Variants in NUDT14 observed in about 807,000 individuals in gnomAD.
The protein encoded by NUDT14 is uridine diphosphate glucose pyrophosphatase NUDT14.
A neutral mutation model predicts 17.5 loss-of-function variants in NUDT14; 22 were observed. The observed-to-expected ratio is 1.26, with a 90% CI of 0.90 to 1.80. The LOEUF is 1.80. Ranked by LOEUF, NUDT14 falls within the 40% of genes most tolerant of loss-of-function variation. The pLI is 0.00. For missense variants in NUDT14, 296 were observed against 295.6 expected (o/e 1.00, Z -0.01); for synonymous variants, 129 against 125.8 (o/e 1.03, Z -0.17).
chr14:105,176,862 C>A, intron 3 of NUDT14, 91 bp from the exon 4 acceptor site: 1 of 1,552,532 alleles, frequency 6.4e-7, no homozygotes, highest in Non-Finnish European at 8.9e-7. Context: ...AGGGCCTCAG[C>A]TTCCCCTGGA....
At chr14:105,174,094 G>A (rs1889162347) in intron 4 of NUDT14, among the ~76,000 whole-genome samples, 3 of 152,036 alleles carry the variant, frequency 2.0e-5, no homozygotes, top group Admixed American at 2.0e-4. Flanking sequence ...GGGTGGGGTG[G>A]CAGCGAGGTC....
At position 105,176,762 on chromosome 14, in the gene NUDT14, G is replaced by T; in HGVS notation, c.200C>A (p.Ala67Glu). ...LVKQFRPAVY[A>E]GEVERRFPGS... The stretch of plus-strand genomic sequence containing the variant: ...TGGGAAGCGGCGCTCCACCTCACCC[G>T]CATACACAGCTGCGTGGGAAGAAGC... The change falls in exon 4 of 5, where the codon GCG becomes GAG. Residue 67 changes from alanine (A) to glutamate (E), a missense_variant. Ala to Glu is a moderately radical substitution (Grantham distance 107). Transcript: ENST00000392568. The T allele has an allele frequency of 6.2e-7, 1 of 1,611,976 alleles. No homozygotes were observed. The highest frequency in any genetic ancestry group is 8.5e-7 in the Non-Finnish European group (1 of 1,179,668).
In NUDT14 at chr14:105,181,185, C is replaced by T. The variant is rs1168495103; in HGVS notation, c.25G>A (p.Val9Met). MERIEGAS[V>M]GRCAASPYLR... ...TAGGGTGAGGCGGCGCAGCGGCCCA[C>T]GGACGCCCCCTCGATGCGCTCCATG... The change falls in exon 1 of 5, where the codon GTG (valine) becomes ATG (methionine). Residue 9 changes from valine (V) to methionine (M), a missense_variant. Physicochemically the swap from Val to Met is conservative, Grantham distance 21 (BLOSUM62 1). Coordinates refer to ENST00000392568, the MANE Select transcript of NUDT14 (RefSeq NM_177533.5). This position sits in a 1 kb window ranked among gnomAD's most constrained non-coding sequence, Gnocchi z 5.0. 2 of 1,181,320 alleles carry T rather than the reference C, an allele frequency of 1.7e-6. No homozygotes were observed. The allele number at this position is 1,181,320 out of a possible 1,614,324, so 73.2% of individuals were successfully genotyped here.
chr14:105,176,424 T>C, intron 4 of NUDT14, 110 bp downstream of exon 4: 1 of 941,674 alleles, frequency 1.1e-6, no homozygotes, highest in Non-Finnish European at 1.7e-6. Context: ...TAATCCCATG[T>C]TGGAAAACAA....
chr14:105,180,946 G>C (rs976561998), intron 1 of NUDT14, among the ~76,000 whole-genome samples, 183 bp downstream of exon 1: 1 of 152,090 alleles, frequency 6.6e-6, no homozygotes, highest in Non-Finnish European at 1.5e-5. Context: ...TCCCCGGCCT[G>C]GGGGCTCACT....
chr14:105,179,944 G>C (rs1373294757), intron 1 of NUDT14, among the ~76,000 whole-genome samples: 1 of 152,254 alleles, frequency 6.6e-6, no homozygotes, highest in Non-Finnish European at 1.5e-5. Context: ...GGCAGGCAGA[G>C]AGGCACTGCG....
At chr14:105,174,060 C>G (rs751185690) in intron 4 of NUDT14, among the ~76,000 whole-genome samples, 2 of 152,054 alleles carry the variant, frequency 1.3e-5, no homozygotes, top group African/African-American at 4.8e-5. Flanking sequence ...ACCGCCCCCC[C>G]ACCCCCCGTA....
At chr14:105,177,872 A>G in intron 1 of NUDT14, 137 bp from the exon 2 acceptor site, 1 of 721,386 alleles carries the variant, frequency 1.4e-6, no homozygotes. Flanking sequence ...GGAGCCAGGA[A>G]CTGCAGCTCC....
At position 105,177,726 on chromosome 14, in the gene NUDT14, G is replaced by A. The variant is rs1169512171; in HGVS notation, c.91C>T (p.Gln31Ter). ...LTLHYRQNGA[Q>*]KSWDFMKTHD... ...GTCTTCATGAAGTCCCAGGACTTCT[G>A]GGCACCATTCTAGAAGGGGCAGGTC... The change falls in exon 2 of 5, where the codon CAG becomes TAG. Residue 31 changes from glutamine to a stop codon, truncating the protein, a stop_gained. Transcript: ENST00000392568. LOFTEE classifies it high-confidence loss of function. 4 of 1,612,294 alleles carry A rather than the reference G, an allele frequency of 2.5e-6. No individual in the cohort carries two copies. Among genetic ancestry groups the A allele is most frequent in the Middle Eastern group, 1.7e-4 (1 of 6,056 alleles).
chr14:105,177,656 G>A, intron 2 of NUDT14, 36 bp downstream of exon 2: 1 of 1,606,910 alleles, frequency 6.2e-7, no homozygotes, highest in South Asian at 1.1e-5. Flanking sequence ...ATCAGTCTGG[G>A]GCTTCCCCAG....
intron 4 of NUDT14, among the ~76,000 whole-genome samples, chr14:105,174,989 ATC>A (rs1889180296): frequency 6.6e-6 from 1 of 152,202 alleles, no homozygotes; most frequent in East Asian, 1.9e-4. Context: ...AGTCAGCAGC[ATC>A]TCCAGTCCTG....
chr14:105,178,216 C>G (rs966577981), intron 1 of NUDT14, among the ~76,000 whole-genome samples: 6 of 151,934 alleles, frequency 3.9e-5, no homozygotes, highest in African/African-American at 1.5e-4. Flanking sequence ...GGGCCGGCAC[C>G]AGGAGTGGAT....
intron 2 of NUDT14, 24 bp from the exon 3 acceptor site, chr14:105,177,051 G>A (rs1445873878): frequency 1.2e-6 from 2 of 1,607,616 alleles, no homozygotes; most frequent in East Asian, 2.2e-5. Context: ...GAGGGGCTCA[G>A]CACAGAAGCA....
At position 105,181,224 on chromosome 14, in the gene NUDT14, A is replaced by G; in HGVS notation, c.-15T>C. On this transcript the variant is annotated 5_prime_UTR_variant, in exon 1 of 5. Transcript: ENST00000392568. The surrounding 1 kb of genome is among the most constrained non-coding windows in gnomAD (Gnocchi z 5.0). ...ATGCGCTCCATGGCGGCGCCCGGAC[A>G]GGCGGGGGCCGCGAGCTCTGCGGGG... is the stretch of plus-strand genomic sequence containing the variant. 1 of 982,110 alleles carries G rather than the reference A, an allele frequency of 1.0e-6. No individual in the cohort carries two copies. Among genetic ancestry groups the G allele is most frequent in the Non-Finnish European group, 1.3e-6 (1 of 797,870 alleles). 60.8% of individuals were successfully genotyped at this position (982,110 alleles called of 1,614,324 possible).
At chr14:105,175,935 C>A (rs773378840) in intron 4 of NUDT14, 2 of 1,254,394 alleles carry the variant, frequency 1.6e-6, no homozygotes, top group Non-Finnish European at 1.0e-6. Flanking sequence ...GTCTGTGACA[C>A]CCTCCTCCTT....
chr14:105,177,365 A>T, intron 2 of NUDT14: 1 of 550,264 alleles, frequency 1.8e-6, no homozygotes, highest in Non-Finnish European at 3.3e-6. Context: ...GCTGCCCACC[A>T]GCCACACTCC....
chr14:105,176,379 T>G, intron 4 of NUDT14, 155 bp downstream of exon 4: 1 of 682,942 alleles, frequency 1.5e-6, no homozygotes, highest in East Asian at 2.7e-5. Flanking sequence ...CTGGCCTGGC[T>G]TAGGAGCTGA....
rs1463823593 is a variant in NUDT14 at position 105,181,190 on chromosome 14, G to A, written c.20C>T (p.Ala7Val). 1.7e-6 allele frequency: 2 copies of A among 1,180,670 alleles called. No individual in the cohort carries two copies. Among genetic ancestry groups the A allele is most frequent in the Non-Finnish European group, 2.1e-6 (2 of 946,708 alleles). The allele number at this position is 1,180,670 out of a possible 1,614,324, so 73.1% of individuals were successfully genotyped here. A position where few individuals can be genotyped will look rare whatever the true frequency, so the allele number is the denominator to read the frequency against. Reference sequence around the variant, plus strand: ...TGAGGCGGCGCAGCGGCCCACGGACGCCCCCTCGATGCGCTCCATGGCGGC... The same window carrying A: ...TGAGGCGGCGCAGCGGCCCACGGACACCCCCTCGATGCGCTCCATGGCGGC... MERIEG[A>V]SVGRCAASPY... The change falls in exon 1 of 5, where the codon GCG becomes GTG. Residue 7 changes from alanine to valine, a missense_variant. By Grantham distance (64) the Ala-to-Val change is moderately conservative. Coordinates refer to ENST00000392568, the MANE Select transcript of NUDT14 (RefSeq NM_177533.5). This position sits in a 1 kb window ranked among gnomAD's most constrained non-coding sequence, Gnocchi z 5.0.
chr14:105,177,885 T>A, intron 1 of NUDT14, 150 bp from the exon 2 acceptor site: 1 of 656,884 alleles, frequency 1.5e-6, no homozygotes, highest in Non-Finnish European at 2.7e-6. Context: ...GCAGCTCCCG[T>A]GGGCAGAGGA....
Sources: gnomAD v4.1 joint callset for allele counts (sites outside exome capture counted in the v4.1 genomes callset) on GRCh38, gnomAD v4.1.1 for gene constraint, Gnocchi (gnomAD v3.1) non-coding constraint, MANE v1.5 for transcripts, NCBI Gene and HGNC (gene_info 2026-07-23, HGNC 2026-07-21) for gene names.